The following GUCY1A2 variants were observed in gnomAD, a reference collection of about 807,000 sequenced individuals.
The protein encoded by GUCY1A2 is guanylate cyclase soluble subunit alpha-2.
GUCY1A2 carries 27 observed loss-of-function variants against 63.5 expected under a neutral mutation model. That is an observed-to-expected ratio of 0.43 (90% CI 0.31 to 0.59). The LOEUF (loss-of-function observed/expected upper bound fraction) is 0.59, where lower values mean the gene tolerates loss of function less well. GUCY1A2 is among the 20% of genes least tolerant of loss of function. GUCY1A2 has a pLI of 0.11. For missense variants in GUCY1A2, 768 were observed against 913.3 expected, an observed-to-expected ratio of 0.84 and a Z score of 2.05; for synonymous variants, 364 against 343.5, an observed-to-expected ratio of 1.06 and a Z score of -0.66.
Position 106,678,054 on chromosome 11 carries a change from G to A in GUCY1A2, c.*9495C>T, listed in dbSNP as rs1012118419. On this transcript the variant is annotated 3_prime_UTR_variant, in exon 8 of 8. Transcript: ENST00000526355. ...GACACACTTGAAACAAATTTTAAAA[G>A]AAGAATAGTAATTTGGGCTGCCATC... 8.5e-5 allele frequency: 17 copies of A among 201,154 alleles called. No homozygotes were observed. Among genetic ancestry groups the A allele is most frequent in the Non-Finnish European group, 3.1e-5 (3 of 97,622 alleles). The allele number at this position is 201,154 out of a possible 1,614,324, so 12.5% of individuals were successfully genotyped here.
intron 7 of GUCY1A2, among the ~76,000 whole-genome samples, chr11:106,702,569 C>A (rs1203966265): frequency 6.6e-6 from 1 of 152,078 alleles, no homozygotes; most frequent in Non-Finnish European, 1.5e-5. Context: ...ATAGAAATAT[C>A]ATTCAGTCCT....
Position 106,687,414 on chromosome 11 carries a change from C to T in GUCY1A2, c.*135G>A. ...CCTCCACCTTTTAGTAGGATTATTGCCTGACATAATACAGAAATTTTGCTG... is the reference window on the plus strand; with the variant it reads ...CCTCCACCTTTTAGTAGGATTATTGTCTGACATAATACAGAAATTTTGCTG... On this transcript the variant is annotated 3_prime_UTR_variant, in exon 8 of 8. Coordinates refer to ENST00000526355, the MANE Select transcript of GUCY1A2 (RefSeq NM_000855.3). 1.4e-6 allele frequency: 1 copy of T among 694,532 alleles called. No homozygotes were observed. The highest frequency in any genetic ancestry group is 2.5e-6 in the Non-Finnish European group (1 of 394,376). 43.0% of individuals were successfully genotyped at this position (694,532 alleles called of 1,614,324 possible).
chr11:106,886,802 C>T (rs1353339939), intron 4 of GUCY1A2, among the ~76,000 whole-genome samples: 1 of 152,100 alleles, frequency 6.6e-6, no homozygotes, highest in Admixed American at 6.6e-5. Context: ...CACCAGAAAT[C>T]ATATTTCTAA....
chr11:106,796,983 CTT>C (rs935376066), intron 5 of GUCY1A2, among the ~76,000 whole-genome samples: 1 of 152,038 alleles, frequency 6.6e-6, no homozygotes, highest in African/African-American at 2.4e-5. Flanking sequence ...TCTTTTTACT[CTT>C]TTTTCTCTAA....
intron 4 of GUCY1A2, among the ~76,000 whole-genome samples, chr11:106,838,602 C>A: frequency 6.6e-6 from 1 of 151,878 alleles, no homozygotes; most frequent in East Asian, 1.9e-4. Flanking sequence ...AGAATAATCC[C>A]ACATTTGGCA....
At chr11:106,748,698 T>C (rs1398144007) in intron 6 of GUCY1A2, among the ~76,000 whole-genome samples, 1 of 152,248 alleles carries the variant, frequency 6.6e-6, no homozygotes, top group Non-Finnish European at 1.5e-5. Context: ...CATCTCACTG[T>C]ATATGGCTTA....
intron 5 of GUCY1A2, among the ~76,000 whole-genome samples, chr11:106,803,822 G>A (rs1206116010): frequency 2.0e-5 from 3 of 152,162 alleles, no homozygotes; most frequent in Non-Finnish European, 2.9e-5. Flanking sequence ...AGCCTTGTCT[G>A]AATGGATTGA....
chr11:106,964,178 C>T (rs979469306), intron 3 of GUCY1A2, among the ~76,000 whole-genome samples: 2 of 152,126 alleles, frequency 1.3e-5, no homozygotes, highest in Non-Finnish European at 2.9e-5. Context: ...AACCCACAAT[C>T]TATATTCAAA....
intron 5 of GUCY1A2, among the ~76,000 whole-genome samples, chr11:106,782,281 C>A (rs912812032): frequency 6.6e-6 from 1 of 152,188 alleles, no homozygotes; most frequent in Non-Finnish European, 1.5e-5. Context: ...GCTTTCCAGC[C>A]GTTTTGTGTT....
Position 106,933,776 on chromosome 11 carries a change from C to T in GUCY1A2, c.1206+5684G>A, listed in dbSNP as rs149658237. 2.3e-3 allele frequency among the ~76,000 whole-genome samples: 354 copies of T among 152,080 alleles called. 2 individuals carry two copies. Among genetic ancestry groups the T allele is most frequent in the Non-Finnish European group, 3.7e-3 (251 of 67,932 alleles). On this transcript the variant is annotated intron_variant, in intron 4 of 7. Coordinates refer to ENST00000526355, the MANE Select transcript of GUCY1A2 (RefSeq NM_000855.3). ...TATTGTGCAACCATTAAAAAGAACA[C>T]ATAGCTGGATGCAGCTATGCAGCCA...
chr11:106,827,848 C>T, intron 4 of GUCY1A2: 1 of 1,600,562 alleles, frequency 6.2e-7, no homozygotes, highest in South Asian at 1.1e-5. Flanking sequence ...CCGCCGACCA[C>T]CATGAACTTC....
At chr11:106,701,265 C>T (rs1042102987) in intron 7 of GUCY1A2, among the ~76,000 whole-genome samples, 9 of 151,890 alleles carry the variant, frequency 5.9e-5, no homozygotes, top group African/African-American at 2.2e-4. Flanking sequence ...CCACTTGCCA[C>T]AAGTTTGTCC....
In GUCY1A2 at chr11:107,013,240, T is replaced by C. The variant is rs79112866; in HGVS notation, c.303+4513A>G. Among the ~76,000 whole-genome samples, 20 of 152,226 alleles carry C rather than the reference T, an allele frequency of 1.3e-4. No homozygotes were observed. The East Asian group carries it at 3.9e-3, about 29-fold the overall frequency. On this transcript the variant is annotated intron_variant, in intron 1 of 7. Coordinates refer to ENST00000526355, the MANE Select transcript of GUCY1A2 (RefSeq NM_000855.3). The stretch of plus-strand genomic sequence containing the variant: ...ATTCTGCTCTCTAAAGCTTCTGAGG[T>C]CTTCAAAGCCACTTGCAATGTTCTC...
Position 106,682,880 on chromosome 11 carries a change from G to A in GUCY1A2, c.*4669C>T. On this transcript the variant is annotated 3_prime_UTR_variant, in exon 8 of 8. Transcript: ENST00000526355. ...AGTCATACGCAGGTTTCAATTGTTT[G>A]GATCAAGTGTGAGGAAGGAATTTTG... 4.6e-6 allele frequency: 1 copy of A among 216,588 alleles called. No homozygotes were observed. Among genetic ancestry groups the A allele is most frequent in the South Asian group, 1.9e-4 (1 of 5,388 alleles). The allele number at this position is 216,588 out of a possible 1,614,324, so 13.4% of individuals were successfully genotyped here.
At chr11:106,827,743 C>T in intron 4 of GUCY1A2, 3 of 1,531,150 alleles carry the variant, frequency 2.0e-6, no homozygotes, top group South Asian at 2.2e-5. Flanking sequence ...AAATTTGTAA[C>T]TGCTTTCATA....
intron 3 of GUCY1A2, among the ~76,000 whole-genome samples, chr11:106,974,762 G>C (rs993270778): frequency 2.6e-5 from 4 of 152,148 alleles, no homozygotes; most frequent in African/African-American, 7.2e-5. Context: ...CACTCTGACA[G>C]AGAGAGACCT....
intron 7 of GUCY1A2, among the ~76,000 whole-genome samples, chr11:106,689,605 A>G (rs1036156437): frequency 6.6e-6 from 1 of 152,192 alleles, no homozygotes; most frequent in Non-Finnish European, 1.5e-5. Flanking sequence ...CAACACGTAT[A>G]TGAAAAAAAG....
chr11:106,860,554 G>T (rs1859497284), intron 4 of GUCY1A2, among the ~76,000 whole-genome samples: 2 of 151,878 alleles, frequency 1.3e-5, no homozygotes, highest in Non-Finnish European at 2.9e-5. Flanking sequence ...TATCTAATCT[G>T]TTGTGGACTG....
intron 6 of GUCY1A2, among the ~76,000 whole-genome samples, chr11:106,725,040 G>A (rs1565269967): frequency 6.6e-6 from 1 of 151,592 alleles, no homozygotes; most frequent in Non-Finnish European, 1.5e-5. Context: ...TAATTACACT[G>A]TGCAGAAATA....
Sources: gnomAD v4.1 joint callset for allele counts (sites outside exome capture counted in the v4.1 genomes callset) on GRCh38, gnomAD v4.1.1 for gene constraint, MANE v1.5 for transcripts, NCBI Gene and HGNC (gene_info 2026-07-23, HGNC 2026-07-21) for gene names.